The following USP45 variants were observed in gnomAD, a reference collection of about 807,000 sequenced individuals.
The protein encoded by USP45 is ubiquitin carboxyl-terminal hydrolase 45.
Under a neutral mutation model 95.8 loss-of-function variants are expected in USP45, and 89 were observed. The ratio of observed to expected loss-of-function variants is 0.93; its 90% confidence interval spans 0.78 to 1.11. The LOEUF (loss-of-function observed/expected upper bound fraction) is 1.11. Among genes scored for constraint, USP45 ranks in the 50% least tolerant of loss-of-function variants. The pLI, the probability that USP45 is intolerant of heterozygous loss-of-function variation, is 0.00. For synonymous variants in USP45, 281 were observed against 316.2 expected (o/e 0.89, Z 1.18); for missense variants, 898 against 942.5 (o/e 0.95, Z 0.62).
intron 5 of USP45, among the ~76,000 whole-genome samples, chr6:99,497,255 G>A (rs2128760258): frequency 6.6e-6 from 1 of 152,172 alleles, no homozygotes; most frequent in Admixed American, 6.6e-5. Flanking sequence ...GTATGGGGAA[G>A]GGGGAGGTAG....
Position 99,445,797 on chromosome 6 carries a change from C to G in USP45, c.1975G>C (p.Glu659Gln). The change falls in exon 14 of 18, where the codon GAA (glutamate) becomes CAA (glutamine). Residue 659 changes from glutamate (E) to glutamine (Q), a missense_variant and splice_region_variant. By Grantham distance (29) the Glu-to-Gln change is conservative (BLOSUM62 2). Transcript: ENST00000500704. ...ATTATGTAATTAAAAAAATAATTAC[C>G]TGCAAAACTGGTTTCTTCTTGGTAC... ...QKYQEETSFA[E>Q]KKVEGVYTNA... is the part of the protein sequence containing the mutation. The G allele has an allele frequency of 6.5e-7, 1 of 1,549,906 alleles. No individual in the cohort carries two copies. Among genetic ancestry groups the G allele is most frequent in the Non-Finnish European group, 8.7e-7 (1 of 1,154,126 alleles).
chr6:99,492,656 A>G (rs1795440921), intron 5 of USP45, among the ~76,000 whole-genome samples: 1 of 40,818 alleles, frequency 2.4e-5, no homozygotes, highest in Non-Finnish European at 3.8e-5. Flanking sequence ...CACCATGCCT[A>G]ACTTTTTGTA....
At chr6:99,507,182 T>C (rs914661008) in intron 4 of USP45, among the ~76,000 whole-genome samples, 2 of 152,156 alleles carry the variant, frequency 1.3e-5, no homozygotes, top group South Asian at 2.1e-4. Flanking sequence ...ACTCCAGCCT[T>C]GGCGACAGAG....
At chr6:99,488,860 G>C (rs1245634410) in intron 5 of USP45, 40 bp from the exon 6 acceptor site, 2 of 1,453,336 alleles carry the variant, frequency 1.4e-6, no homozygotes, top group Admixed American at 2.5e-5. Flanking sequence ...AAGATGTAAA[G>C]ATAAATATGT....
chr6:99,446,779 T>C (rs1283843375), intron 13 of USP45, among the ~76,000 whole-genome samples: 1 of 152,212 alleles, frequency 6.6e-6, no homozygotes, highest in Non-Finnish European at 1.5e-5. Context: ...CATCTTGCTC[T>C]GTTGCCCAGG....
rs971186810 is a variant in USP45, at chr6:99,461,118, C to G, written c.1308+3486G>C. ...AGGTTTTATGAAATAAAAAAAAAAT[C>G]TTTCATAAAACTAATATACTTATGT... On this transcript the variant is annotated intron_variant, in intron 13 of 17. Coordinates refer to ENST00000500704, the MANE Select transcript of USP45 (RefSeq NM_001346022.3). 3.5e-5 allele frequency: 34 copies of G among 983,190 alleles called. No homozygotes were observed. In the African/African-American group the frequency reaches 5.2e-4, roughly 15 times the overall value. The allele number at this position is 983,190 out of a possible 1,614,324, so 60.9% of individuals were successfully genotyped here.
intron 13 of USP45, among the ~76,000 whole-genome samples, chr6:99,464,033 G>A (rs1057375274): frequency 5.9e-5 from 9 of 152,060 alleles, no homozygotes; most frequent in East Asian, 1.9e-4. Context: ...AGTGCTGGGC[G>A]CAGTGGCTCA....
intron 9 of USP45, among the ~76,000 whole-genome samples, chr6:99,473,777 A>AACAAAACAC (rs1554239460): frequency 3.1e-5 from 4 of 127,736 alleles, no homozygotes; most frequent in Non-Finnish European, 6.4e-5. Context: ...AAAAAAACAA[A>AACAAAACAC]ACACACACAC....
At chr6:99,501,233 C>T (rs1797290380) in intron 5 of USP45, among the ~76,000 whole-genome samples, 1 of 151,856 alleles carries the variant, frequency 6.6e-6, no homozygotes, top group South Asian at 2.1e-4. Flanking sequence ...CTCCCCACCC[C>T]CATGCTTAAC....
chr6:99,473,802 A>ACACACACACACACACAC (rs1562370187), intron 9 of USP45, among the ~76,000 whole-genome samples: 2 of 151,304 alleles, frequency 1.3e-5, no homozygotes, highest in Non-Finnish European at 2.9e-5. Context: ...ACACACACAC[A>ACACACACACACACACAC]AATTCACAGA....
rs1249649785 is a variant in USP45 at position 99,488,123 on chromosome 6, G to A, written c.714+77C>T. 5 of 933,142 alleles carry A rather than the reference G, an allele frequency of 5.4e-6. No individual in the cohort carries two copies. The African/African-American group carries it at 8.3e-5, about 15-fold the overall frequency. 57.8% of individuals were successfully genotyped at this position (933,142 alleles called of 1,614,324 possible). On this transcript the variant is annotated intron_variant, in intron 7 of 17. Transcript: ENST00000500704. ...GGCTACTATCTTAGTTGACTGATCTGCGAATTAGGAAAAGAGATTTTGGTA... is the reference window on the plus strand; with the variant it reads ...GGCTACTATCTTAGTTGACTGATCTACGAATTAGGAAAAGAGATTTTGGTA...
In USP45 at chr6:99,466,677, C is replaced by T. The variant is rs1788054458; in HGVS notation, c.1102G>A (p.Ala368Thr). ...LTSTVMCEEC[A>T]NISTVKDPFI... ...TTGAATTCTAAAGTACCTACATTTG[C>T]ACATTCTTCACACATGACCGTGCTA... The change falls in exon 11 of 18, where the codon GCA becomes ACA. Residue 368 changes from alanine (A) to threonine (T), a missense_variant. By Grantham distance (58) the Ala-to-Thr change is moderately conservative. Transcript: ENST00000500704. 1.2e-6 allele frequency: 2 copies of T among 1,612,228 alleles called. No homozygotes were observed. The highest frequency in any genetic ancestry group is 1.7e-6 in the Non-Finnish European group (2 of 1,178,802).
At chr6:99,447,336 G>A (rs1243084236) in intron 13 of USP45, among the ~76,000 whole-genome samples, 1 of 152,168 alleles carries the variant, frequency 6.6e-6, no homozygotes, top group African/African-American at 2.4e-5. Flanking sequence ...AGACTATCAT[G>A]AGTAATTGAT....
At chr6:99,514,344 C>T (rs912027514) in intron 1 of USP45, among the ~76,000 whole-genome samples, 1 of 152,094 alleles carries the variant, frequency 6.6e-6, no homozygotes, top group African/African-American at 2.4e-5. Flanking sequence ...CTTGGTGTCC[C>T]GGATTTTTAC....
chr6:99,477,895 C>T (rs10499025), intron 8 of USP45, among the ~76,000 whole-genome samples: 22,346 of 152,126 alleles, frequency 0.15, 2,367 homozygotes, highest in Non-Finnish European at 0.21. Flanking sequence ...TATTCTAATC[C>T]TATTTGGACC....
At chr6:99,504,910 T>C (rs988101583) in intron 4 of USP45, among the ~76,000 whole-genome samples, 3 of 152,116 alleles carry the variant, frequency 2.0e-5, no homozygotes, top group African/African-American at 4.8e-5. Flanking sequence ...AGTATTGAGA[T>C]TGAGAAATCC....
At chr6:99,474,772 G>A (rs1175794943) in intron 9 of USP45, among the ~76,000 whole-genome samples, 1 of 152,156 alleles carries the variant, frequency 6.6e-6, no homozygotes, top group Non-Finnish European at 1.5e-5. Flanking sequence ...TGAGTAAGAG[G>A]GAGGAAAATG....
chr6:99,449,163 A>G (rs556339898), intron 13 of USP45, among the ~76,000 whole-genome samples: 1 of 152,352 alleles, frequency 6.6e-6, no homozygotes, highest in East Asian at 1.9e-4. Flanking sequence ...AGATTCACAC[A>G]TAACAATATT....
At chr6:99,489,837 A>G (rs1481954256) in intron 5 of USP45, among the ~76,000 whole-genome samples, 1 of 152,010 alleles carries the variant, frequency 6.6e-6, no homozygotes, top group Non-Finnish European at 1.5e-5. Context: ...TGTAGTCCCA[A>G]CTACTCAGGA....
Sources: allele counts gnomAD v4.1 joint callset (sites outside exome capture counted in the v4.1 genomes callset), GRCh38; gene constraint gnomAD v4.1.1; transcripts MANE v1.5; gene names NCBI Gene and HGNC (gene_info 2026-07-23, HGNC 2026-07-21).